Variants in NTRK3 observed in about 807,000 individuals in gnomAD.
NTRK3 encodes NT-3 growth factor receptor.
Under a neutral mutation model 91.7 loss-of-function variants are expected in NTRK3, and 24 were observed. That is an observed-to-expected ratio of 0.26 (90% CI 0.19 to 0.37). The LOEUF is 0.37. Among genes scored for constraint, NTRK3 ranks in the 10% least tolerant of loss-of-function variants. NTRK3 has a pLI of 1.00. For synonymous variants in NTRK3, 483 were observed against 404.0 expected (o/e 1.20, Z -2.34); for missense variants, 880 against 1,068.9 (o/e 0.82, Z 2.46).
intron 14 of NTRK3, among the ~76,000 whole-genome samples, chr15:87,979,810 G>C (rs2074055381): frequency 6.6e-6 from 1 of 152,198 alleles, no homozygotes; most frequent in Non-Finnish European, 1.5e-5. Context: ...CTGACGATGA[G>C]CTGAGGGGTG....
At chr15:88,007,393 G>C (rs1398916801) in intron 14 of NTRK3, among the ~76,000 whole-genome samples, 1 of 152,114 alleles carries the variant, frequency 6.6e-6, no homozygotes, top group Non-Finnish European at 1.5e-5. Flanking sequence ...CAGGGAATGG[G>C]TCCCCAAAAA....
At chr15:87,970,081 G>A (rs1044512993) in intron 14 of NTRK3, among the ~76,000 whole-genome samples, 1 of 152,156 alleles carries the variant, frequency 6.6e-6, no homozygotes, top group African/African-American at 2.4e-5. Context: ...TTTACATGAG[G>A]ATCAGCAAAC....
chr15:87,984,643 CTTTTA>C (rs1247206129), intron 14 of NTRK3, among the ~76,000 whole-genome samples: 4 of 152,144 alleles, frequency 2.6e-5, no homozygotes, highest in African/African-American at 7.2e-5. Context: ...TATGATGTGC[CTTTTA>C]TTTTATTTTT....
chr15:87,876,053 G>T (rs2064938651), exon 19 of NTRK3: 2 of 232,570 alleles, frequency 8.6e-6, no homozygotes, highest in Non-Finnish European at 1.7e-5. Flanking sequence ...ACAGGTGGCA[G>T]TGTCTTGGCA....
At chr15:87,891,031 T>C (rs1239575621) in intron 17 of NTRK3, among the ~76,000 whole-genome samples, 2 of 152,224 alleles carry the variant, frequency 1.3e-5, no homozygotes, top group African/African-American at 2.4e-5. Flanking sequence ...TATGTTTGTG[T>C]TCTTTCTCAT....
At chr15:88,056,077 C>T (rs555614074) in intron 13 of NTRK3, among the ~76,000 whole-genome samples, 44 of 151,756 alleles carry the variant, frequency 2.9e-4, no homozygotes, top group African/African-American at 1.0e-3. Flanking sequence ...AGGAGCATGG[C>T]AGGCCCCTGG....
At chr15:87,934,025 G>A (rs3784437) in intron 15 of NTRK3, among the ~76,000 whole-genome samples, 2 of 152,190 alleles carry the variant, frequency 1.3e-5, no homozygotes, top group Non-Finnish European at 2.9e-5. Flanking sequence ...CCCAGGTAGA[G>A]TGTAAGTTGT....
At chr15:87,893,885 C>A (rs2065971558) in intron 17 of NTRK3, among the ~76,000 whole-genome samples, 1 of 152,096 alleles carries the variant, frequency 6.6e-6, no homozygotes, top group East Asian at 1.9e-4. Flanking sequence ...CTCTGTATTC[C>A]CTAATCTGCA....
At chr15:88,184,561 A>G (rs2046796304) in intron 3 of NTRK3, among the ~76,000 whole-genome samples, 2 of 152,192 alleles carry the variant, frequency 1.3e-5, no homozygotes, top group Admixed American at 1.3e-4. Flanking sequence ...ATGTCTCCCC[A>G]TCAGCTAGAA....
intron 3 of NTRK3, among the ~76,000 whole-genome samples, chr15:88,213,899 G>T: frequency 6.6e-6 from 1 of 150,738 alleles, no homozygotes; most frequent in East Asian, 1.9e-4. Context: ...GACAAACATT[G>T]TGAAACCCCG....
intron 14 of NTRK3, among the ~76,000 whole-genome samples, chr15:88,024,185 C>T (rs1017464089): frequency 4.6e-5 from 7 of 152,168 alleles, no homozygotes; most frequent in Non-Finnish European, 8.8e-5. Context: ...GGAGATAAGC[C>T]GCTTGCACAC....
At chr15:87,872,979 C>T (rs1179964664) in exon 19 of NTRK3, 1 of 233,052 alleles carries the variant, frequency 4.3e-6, no homozygotes, top group Non-Finnish European at 8.5e-6. Context: ...CTGGTCTTTT[C>T]ACCCTGCCAC....
chr15:88,184,637 C>T (rs2046804089), intron 3 of NTRK3, among the ~76,000 whole-genome samples: 1 of 152,198 alleles, frequency 6.6e-6, no homozygotes, highest in Non-Finnish European at 1.5e-5. Flanking sequence ...TCCTCTGTTC[C>T]CCTTCTTTCT....
chr15:88,189,632 C>G (rs886225788), intron 3 of NTRK3, among the ~76,000 whole-genome samples: 3 of 151,962 alleles, frequency 2.0e-5, no homozygotes, highest in Admixed American at 6.5e-5. Flanking sequence ...TTAGTAGAGA[C>G]AGGTTTTCAC....
At chr15:88,065,382 T>C (rs998773766) in intron 13 of NTRK3, among the ~76,000 whole-genome samples, 3 of 152,116 alleles carry the variant, frequency 2.0e-5, no homozygotes, top group African/African-American at 7.2e-5. Context: ...GTAAGCAAGG[T>C]AGAACCTTGA....
At chr15:88,072,661 C>T (rs549431300) in intron 13 of NTRK3, 28 of 232,526 alleles carry the variant, frequency 1.2e-4, no homozygotes, top group African/African-American at 4.4e-4. Flanking sequence ...GATGAGACAC[C>T]CTTGGTTTGA....
chr15:88,100,834 T>A (rs2050099615), intron 13 of NTRK3, among the ~76,000 whole-genome samples: 2 of 152,152 alleles, frequency 1.3e-5, no homozygotes, highest in South Asian at 2.1e-4. Flanking sequence ...TGAAACTGGA[T>A]CCCTTCCTTA....
intron 5 of NTRK3, among the ~76,000 whole-genome samples, chr15:88,150,822 G>A (rs1161740514): frequency 6.6e-6 from 1 of 152,110 alleles, no homozygotes; most frequent in Non-Finnish European, 1.5e-5. Context: ...CATGCCTCTG[G>A]CCACCCTGCC....
intron 5 of NTRK3, among the ~76,000 whole-genome samples, chr15:88,150,946 C>T (rs1224834559): frequency 6.6e-6 from 1 of 152,052 alleles, no homozygotes; most frequent in Non-Finnish European, 1.5e-5. Flanking sequence ...TGGGGCCTCA[C>T]CTATATGCAC....
Sources: gnomAD v4.1 joint callset for allele counts (sites outside exome capture counted in the v4.1 genomes callset) on GRCh38, gnomAD v4.1.1 for gene constraint, MANE v1.5 for transcripts, NCBI Gene and HGNC (gene_info 2026-07-23, HGNC 2026-07-21) for gene names.